The following RSF1 variants were observed in gnomAD, a reference collection of about 807,000 sequenced individuals.
RSF1 encodes the protein remodeling and spacing factor 1.
Under a neutral mutation model 145.2 loss-of-function variants are expected in RSF1, and 13 were observed. The ratio of observed to expected loss-of-function variants is 0.09; its 90% CI spans 0.06 to 0.14. RSF1 has a LOEUF of 0.14. RSF1 is among the 10% of genes least tolerant of loss of function. RSF1 has a pLI of 1.00. For synonymous variants in RSF1, 577 were observed against 592.6 expected (o/e 0.97, Z 0.38); for missense variants, 1,517 against 1,718.2 (o/e 0.88, Z 2.07).
intron 1 of RSF1, among the ~76,000 whole-genome samples, chr11:77,784,757 G>A (rs1948437875): frequency 6.6e-6 from 1 of 152,138 alleles, no homozygotes. Flanking sequence ...TGAATGCCCT[G>A]AGTGCTACAA....
rs774139557 is a variant in RSF1 at position 77,685,174 on chromosome 11, C to G, written c.2901-15G>C. 1 of 1,484,116 alleles carries G rather than the reference C, an allele frequency of 6.7e-7. No homozygotes were observed. Among genetic ancestry groups the G allele is most frequent in the African/African-American group, 1.4e-5 (1 of 70,618 alleles). 91.9% of individuals were successfully genotyped at this position (1,484,116 alleles called of 1,614,324 possible). A position where few individuals can be genotyped will look rare whatever the true frequency, so the allele number is the denominator to read the frequency against. ...AGCGTTCTTTTCTTTAGGTGAAAAA[C>G]AAACAAAATACATGAGATTTGCAGA... is the stretch of plus-strand genomic sequence containing the variant. On this transcript the variant is annotated splice_polypyrimidine_tract_variant and intron_variant, in intron 9 of 15. Transcript: ENST00000308488.
In RSF1 at chr11:77,698,476, C is replaced by T; in HGVS notation, c.2715+11G>A. The T allele has an allele frequency of 1.2e-6, 2 of 1,611,052 alleles. No homozygotes were observed. Among genetic ancestry groups the T allele is most frequent in the South Asian group, 1.1e-5 (1 of 91,010 alleles). The stretch of plus-strand genomic sequence containing the variant: ...TAATATGAGTATTCTTCATTTACAT[C>T]AGGTACATACTAGCTCAGGATGGTT... On this transcript the variant is annotated intron_variant, in intron 7 of 15. Coordinates refer to ENST00000308488, the MANE Select transcript of RSF1 (RefSeq NM_016578.4).
At chr11:77,667,531 C>A in intron 15 of RSF1, 40 bp from the exon 16 acceptor site, 1 of 1,533,818 alleles carries the variant, frequency 6.5e-7, no homozygotes, top group Non-Finnish European at 8.8e-7. Flanking sequence ...GCACGGTTAA[C>A]CATAAACGAA....
At chr11:77,715,543 G>A (rs887221161) in intron 5 of RSF1, among the ~76,000 whole-genome samples, 1 of 152,078 alleles carries the variant, frequency 6.6e-6, no homozygotes, top group Non-Finnish European at 1.5e-5. Context: ...CATCTCCCAG[G>A]TTCAAGCGAT....
Position 77,662,036 on chromosome 11 carries a change from G to A in RSF1, c.*4881C>T, listed in dbSNP as rs1303363106. ...TCCAGTGGCAAAAAGCACGAGGCAA[G>A]TATTCAGTCCTTAGCACACTTTCTA... On this transcript the variant is annotated 3_prime_UTR_variant, in exon 16 of 16. Transcript: ENST00000308488. 1 of 152,054 alleles carries A rather than the reference G, an allele frequency of 6.6e-6. No individual in the cohort carries two copies. The highest frequency in any genetic ancestry group is 2.4e-5 in the African/African-American group (1 of 41,402). The allele number at this position is 152,054 out of a possible 1,614,324, so 9.4% of individuals were successfully genotyped here.
At chr11:77,786,226 T>C (rs1210482660) in intron 1 of RSF1, among the ~76,000 whole-genome samples, 2 of 152,136 alleles carry the variant, frequency 1.3e-5, no homozygotes, top group African/African-American at 4.8e-5. Flanking sequence ...CCCATTAATT[T>C]ATCCCCACAA....
At chr11:77,858,441 T>C in the RSF1 span, among the ~76,000 whole-genome samples, 4 of 150,632 alleles carry the variant, frequency 2.7e-5, no homozygotes, top group Non-Finnish European at 5.9e-5. Context: ...CGATAGATGA[T>C]TGGCTATTTC....
At chr11:77,725,432 A>C in intron 5 of RSF1, 113 bp downstream of exon 5, 1 of 882,548 alleles carries the variant, frequency 1.1e-6, no homozygotes, top group Non-Finnish European at 1.5e-6. Flanking sequence ...TTTTATAAGA[A>C]GGCTCCCAAT....
At chr11:77,823,311 G>C (rs1949017458), upstream of RSF1, among the ~76,000 whole-genome samples, 1 of 150,936 alleles carries the variant, frequency 6.6e-6, no homozygotes, top group Non-Finnish European at 1.5e-5. Flanking sequence ...AATTTAATAA[G>C]TCGGAAAATA....
At chr11:77,857,157 G>A in the RSF1 span, among the ~76,000 whole-genome samples, 19 of 152,316 alleles carry the variant, frequency 1.2e-4, no homozygotes, top group Non-Finnish European at 2.5e-4. Context: ...GCTCTATAGA[G>A]TAATTAAGCA....
chr11:77,694,260 C>T (rs1391343558), intron 7 of RSF1, among the ~76,000 whole-genome samples: 1 of 152,116 alleles, frequency 6.6e-6, no homozygotes, highest in Non-Finnish European at 1.5e-5. Flanking sequence ...GACTACCCTA[C>T]CACACAGAAT....
rs1188165338 is a variant in RSF1, at chr11:77,756,005, CTTAA to C, written c.279+8589_279+8592del. On this transcript the variant is annotated intron_variant, in intron 2 of 15. Transcript: ENST00000308488. ...AGACATACAAAGGTATTGTTTTTAT[CTTAA>C]TTAAACAAAAATTATCTTAACAATA... Among the ~76,000 whole-genome samples, 54 of 152,166 alleles carry C rather than the reference CTTAA, an allele frequency of 3.5e-4. 1 individual carries two copies. Among genetic ancestry groups the C allele is most frequent in the African/African-American group, 1.2e-3 (49 of 41,500 alleles).
chr11:77,787,631 C>T (rs772058546), intron 1 of RSF1, among the ~76,000 whole-genome samples: 1 of 151,952 alleles, frequency 6.6e-6, no homozygotes, highest in Non-Finnish European at 1.5e-5. Flanking sequence ...CTAGACTAAA[C>T]GCATATCCAG....
chr11:77,687,135 G>C (rs1960030578), intron 9 of RSF1, among the ~76,000 whole-genome samples: 1 of 152,158 alleles, frequency 6.6e-6, no homozygotes, highest in Non-Finnish European at 1.5e-5. Flanking sequence ...ATATTTTGCT[G>C]TTTAGAGCTC....
intron 13 of RSF1, among the ~76,000 whole-genome samples, chr11:77,676,328 T>C (rs1959701415): frequency 6.6e-6 from 1 of 152,066 alleles, no homozygotes; most frequent in African/African-American, 2.4e-5. Flanking sequence ...TCTAATAATC[T>C]GAAAGGAGAA....
chr11:77,667,329 G>T lies in RSF1; in HGVS notation c.3914C>A (p.Thr1305Lys). 1.2e-6 allele frequency: 2 copies of T among 1,613,904 alleles called. No homozygotes were observed. The highest frequency in any genetic ancestry group is 2.2e-5 in the South Asian group (2 of 91,070). Reference sequence around the variant, plus strand: ...ATTGTCACAACTCTCCTCCTCATCCGTCTCAATCCGGTGTAGCCGTTTGCG... The same window carrying T: ...ATTGTCACAACTCTCCTCCTCATCCTTCTCAATCCGGTGTAGCCGTTTGCG... ...PSRKRLHRIE[T>K]DEEESCDNAH... Residue 1305 changes from threonine (T) to lysine (K), a missense_variant, in exon 16 of 16, where the codon ACG becomes AAG. By Grantham distance (78) the Thr-to-Lys change is moderately conservative. Transcript: ENST00000308488.
chr11:77,734,558 G>A, intron 4 of RSF1: 1 of 1,546,658 alleles, frequency 6.5e-7, no homozygotes, highest in Non-Finnish European at 8.8e-7. Context: ...CCCATCTTGT[G>A]CAAGTTGGTC....
intron 11 of RSF1, among the ~76,000 whole-genome samples, chr11:77,678,395 T>C (rs2135820616): frequency 6.6e-6 from 1 of 152,118 alleles, no homozygotes; most frequent in Middle Eastern, 3.4e-3. Context: ...TTTTGTACTT[T>C]TAGTAGAGAC....
intron 5 of RSF1, among the ~76,000 whole-genome samples, chr11:77,720,866 GCAAATTTAGACTTT>G (rs1960926424): frequency 6.6e-6 from 1 of 152,186 alleles, no homozygotes; most frequent in South Asian, 2.1e-4. Context: ...TGTTAGTCTA[GCAAATTTAGACTTT>G]CAGAAGGCAA....
Sources: gnomAD v4.1 joint callset for allele counts (sites outside exome capture counted in the v4.1 genomes callset) on GRCh38, gnomAD v4.1.1 for gene constraint, MANE v1.5 for transcripts, NCBI Gene and HGNC (gene_info 2026-07-23, HGNC 2026-07-21) for gene names.